Variants in B3GALT1 observed in about 807,000 individuals in gnomAD.
The protein encoded by B3GALT1 is beta-1,3-galactosyltransferase 1.
Under a neutral mutation model 23.2 loss-of-function variants are expected in B3GALT1, and 10 were observed. That is an observed-to-expected ratio of 0.43 (90% CI 0.27 to 0.73). The LOEUF (loss-of-function observed/expected upper bound fraction) is 0.73, where lower values mean the gene tolerates loss of function less well. Ranked by LOEUF, B3GALT1 falls within the 30% of genes least tolerant of loss-of-function variation. The pLI, the probability that B3GALT1 is intolerant of heterozygous loss-of-function variation, is 0.21. For missense variants in B3GALT1, 299 were observed against 405.4 expected (o/e 0.74, Z 2.25); for synonymous variants, 156 against 141.5 (o/e 1.10, Z -0.73).
intron 2 of B3GALT1, among the ~76,000 whole-genome samples, chr2:167,500,160 A>G (rs960592606): frequency 1.3e-5 from 2 of 152,198 alleles, no homozygotes; most frequent in African/African-American, 2.4e-5. Context: ...GTAAAAGCCT[A>G]TAAGGACTCT....
intron 2 of B3GALT1, among the ~76,000 whole-genome samples, chr2:167,579,444 T>TTTTTTTG: frequency 6.8e-6 from 1 of 147,408 alleles, no homozygotes; most frequent in Admixed American, 6.8e-5. Flanking sequence ...TTTTTTTTTT[T>TTTTTTTG]TTTCCATTTA....
At chr2:167,342,773 T>C (rs182311190) in intron 1 of B3GALT1, among the ~76,000 whole-genome samples, 2 of 152,260 alleles carry the variant, frequency 1.3e-5, no homozygotes, top group Admixed American at 1.3e-4. Flanking sequence ...CATGGCCTGG[T>C]ATGTATTCTA....
intron 4 of B3GALT1, among the ~76,000 whole-genome samples, chr2:167,833,512 A>G (rs1689393682): frequency 6.6e-6 from 1 of 152,094 alleles, no homozygotes; most frequent in Non-Finnish European, 1.5e-5. Context: ...ATCAGATGAA[A>G]CTCACTCCCC....
chr2:167,628,425 A>C lies in B3GALT1; in HGVS notation c.-409-18484A>C, dbSNP rs531110021. On this transcript the variant is annotated intron_variant, in intron 2 of 4. Coordinates refer to ENST00000392690, the MANE Select transcript of B3GALT1 (RefSeq NM_020981.4). ...GTAGTACCATTCAATAAAAACTCAG[A>C]TTGTATATCTAACCTCTACCCAAAT... Among the ~76,000 whole-genome samples, 24 of 151,782 alleles carry C rather than the reference A, an allele frequency of 1.6e-4. No individual in the cohort carries two copies. In the East Asian group the frequency reaches 4.5e-3, roughly 28 times the overall value.
At chr2:167,621,263 A>G (rs1221315578) in intron 2 of B3GALT1, among the ~76,000 whole-genome samples, 4 of 151,500 alleles carry the variant, frequency 2.6e-5, no homozygotes, top group Non-Finnish European at 4.4e-5. Context: ...TTATACATTT[A>G]TTTATAGAGA....
chr2:167,520,100 A>G (rs1178770402), intron 2 of B3GALT1, among the ~76,000 whole-genome samples: 2 of 152,142 alleles, frequency 1.3e-5, no homozygotes, highest in East Asian at 3.9e-4. Flanking sequence ...AATCAAATAC[A>G]TAAAGATACT....
chr2:167,649,118 C>A (rs906846779), intron 3 of B3GALT1, among the ~76,000 whole-genome samples: 4 of 152,026 alleles, frequency 2.6e-5, no homozygotes, highest in African/African-American at 9.7e-5. Flanking sequence ...CACAGCTTTA[C>A]CACCCCTACT....
At chr2:167,352,182 T>A (rs1172784207) in intron 1 of B3GALT1, among the ~76,000 whole-genome samples, 1 of 150,048 alleles carries the variant, frequency 6.7e-6, no homozygotes, top group Non-Finnish European at 1.5e-5. Flanking sequence ...TTGGCCAGGA[T>A]GGTCTTGATC....
At chr2:167,507,539 A>C (rs1699939433) in intron 2 of B3GALT1, among the ~76,000 whole-genome samples, 2 of 150,958 alleles carry the variant, frequency 1.3e-5, no homozygotes, top group Non-Finnish European at 3.0e-5. Flanking sequence ...AAGTAGAATA[A>C]GATAAAGGTG....
In B3GALT1 at chr2:167,405,289, A is replaced by G. The variant is rs76078158; in HGVS notation, c.-510-84888A>G. Among the ~76,000 whole-genome samples the G allele has an allele frequency of 9.9e-3, 1,502 of 152,302 alleles. 21 individuals carry two copies. Among genetic ancestry groups the G allele is most frequent in the African/African-American group, 0.035 (1,434 of 41,564 alleles). On this transcript the variant is annotated intron_variant, in intron 1 of 4. Transcript: ENST00000392690. ...ATATCAGTAGTAGTAAATAATTACT[A>G]TCATTTAAAAGGACTATGTTTTAAT... is the stretch of plus-strand genomic sequence containing the variant.
intron 3 of B3GALT1, among the ~76,000 whole-genome samples, chr2:167,736,865 C>T (rs1035990817): frequency 2.0e-5 from 3 of 152,062 alleles, no homozygotes. Context: ...ACCTGGGAGG[C>T]GGAGGTTGCA....
At chr2:167,341,302 T>C (rs1697142401) in intron 1 of B3GALT1, among the ~76,000 whole-genome samples, 1 of 152,196 alleles carries the variant, frequency 6.6e-6, no homozygotes, top group Non-Finnish European at 1.5e-5. Context: ...CTTTGGAGTT[T>C]GATGCACTTC....
chr2:167,512,480 ATTTGTAT>A (rs926082507), intron 2 of B3GALT1, among the ~76,000 whole-genome samples: 3 of 146,666 alleles, frequency 2.0e-5, no homozygotes, highest in African/African-American at 7.5e-5. Context: ...TAATTTATAT[ATTTGTAT>A]TTTGTATTTA....
chr2:167,416,940 T>C (rs1698480626), intron 1 of B3GALT1, among the ~76,000 whole-genome samples: 1 of 152,220 alleles, frequency 6.6e-6, no homozygotes. Context: ...TGTACTATTA[T>C]TGTATCTTGA....
At chr2:167,313,135 T>A (rs535213989) in intron 1 of B3GALT1, among the ~76,000 whole-genome samples, 137 of 152,280 alleles carry the variant, frequency 9.0e-4, no homozygotes, top group African/African-American at 3.2e-3. Flanking sequence ...CAACTTGGAT[T>A]AAACAAGTCA....
intron 3 of B3GALT1, among the ~76,000 whole-genome samples, chr2:167,664,475 G>T (rs1686134703): frequency 6.6e-6 from 1 of 152,084 alleles, no homozygotes; most frequent in Non-Finnish European, 1.5e-5. Flanking sequence ...GAACTTTAAA[G>T]TAGTTTTTTC....
At chr2:167,769,513 G>A (rs986116076) in intron 3 of B3GALT1, among the ~76,000 whole-genome samples, 1 of 152,004 alleles carries the variant, frequency 6.6e-6, no homozygotes, top group African/African-American at 2.4e-5. Flanking sequence ...TTAAACTACA[G>A]AATAGTTCTG....
intron 1 of B3GALT1, among the ~76,000 whole-genome samples, chr2:167,317,992 T>C (rs1185916949): frequency 6.6e-6 from 1 of 152,084 alleles, no homozygotes; most frequent in Non-Finnish European, 1.5e-5. Flanking sequence ...AATTATCCCA[T>C]GTGACTGATT....
chr2:167,351,350 G>GTTTT (rs546155907), intron 1 of B3GALT1, among the ~76,000 whole-genome samples: 28 of 151,984 alleles, frequency 1.8e-4, no homozygotes, highest in Non-Finnish European at 2.8e-4. Context: ...TACTGGAGGT[G>GTTTT]TTTTTGTACA....
Sources: gnomAD v4.1 joint callset for allele counts (sites outside exome capture counted in the v4.1 genomes callset) on GRCh38, gnomAD v4.1.1 for gene constraint, MANE v1.5 for transcripts, NCBI Gene and HGNC (gene_info 2026-07-23, HGNC 2026-07-21) for gene names.